The following MPHOSPH9 variants were observed in gnomAD, a reference collection of about 807,000 sequenced individuals.
MPHOSPH9 encodes M-phase phosphoprotein 9.
MPHOSPH9 carries 88 observed loss-of-function variants against 145.5 expected under a neutral mutation model. That is an observed-to-expected ratio of 0.60 (90% confidence interval 0.51 to 0.72). The LOEUF (loss-of-function observed/expected upper bound fraction) is 0.72. MPHOSPH9 is among the 30% of genes least tolerant of loss of function. The probability of loss-of-function intolerance (pLI) is 0.00; values close to 1 mark genes in which losing one functional copy is unlikely to be tolerated. For missense variants in MPHOSPH9, 1,238 were observed against 1,386.6 expected, an observed-to-expected ratio of 0.89 and a Z score of 1.70; for synonymous variants, 435 against 486.2, an observed-to-expected ratio of 0.89 and a Z score of 1.39.
At position 123,156,867 on chromosome 12, in the gene MPHOSPH9, C is replaced by T; in HGVS notation, c.3492G>A (p.Leu1164=). ...EDRLERINRE[L]GSVRMTLKKF... ...TCTTTAGCGTCATGCGAACTGAACC[C>T]AGTTCTCGATTAATCCTTTCCAAAC... The change falls in exon 24 of 24, where the codon CTG becomes CTA. Residue 1164 remains leucine (L), a synonymous_variant. Transcript: ENST00000606320. The T allele has an allele frequency of 1.2e-6, 2 of 1,611,354 alleles. No individual in the cohort carries two copies. The highest frequency in any genetic ancestry group is 1.7e-6 in the Non-Finnish European group (2 of 1,177,900).
At position 123,160,861 on chromosome 12, in the gene MPHOSPH9, C is replaced by T. The variant is rs764261509; in HGVS notation, c.3382-12G>A. 21 of 1,611,284 alleles carry T rather than the reference C, an allele frequency of 1.3e-5. No homozygotes were observed. The highest frequency in any genetic ancestry group is 6.6e-5 in the South Asian group (6 of 90,554). ...AGTGCTGCCTCAATCTGTTAACACA[C>T]GAAAAAAATATGTTTAAATTACTGG... On this transcript the variant is annotated splice_polypyrimidine_tract_variant and intron_variant, in intron 22 of 23. Transcript: ENST00000606320.
rs764703854 is a variant in MPHOSPH9, at chr12:123,162,149, C to T, written c.3099G>A (p.Lys1033=). ...VSTLQRTNPR[K]QLQFLPLDDS... ...CATCTAGAGGAAGAAACTGGAGTTG[C>T]TTTCTTGGATTGGTACGTTGTAATG... is the stretch of plus-strand genomic sequence containing the variant. Residue 1033 remains lysine, a synonymous_variant, in exon 21 of 24, where the codon AAG becomes AAA. Transcript: ENST00000606320. 2 of 1,586,028 alleles carry T rather than the reference C, an allele frequency of 1.3e-6. No individual in the cohort carries two copies. Among genetic ancestry groups the T allele is most frequent in the Non-Finnish European group, 1.7e-6 (2 of 1,164,360 alleles).
intron 6 of MPHOSPH9, among the ~76,000 whole-genome samples, chr12:123,215,793 C>T (rs913867578): frequency 2.0e-5 from 3 of 152,128 alleles, no homozygotes; most frequent in Non-Finnish European, 2.9e-5. Flanking sequence ...GAGTATGTAA[C>T]CATCCATGAA....
chr12:123,158,175 A>G (rs1222902309), intron 23 of MPHOSPH9, among the ~76,000 whole-genome samples: 4 of 152,012 alleles, frequency 2.6e-5, no homozygotes, highest in Non-Finnish European at 5.9e-5. Context: ...TTTTTAGTAG[A>G]GACAGGGTTT....
At chr12:123,188,438 G>A (rs549039410) in intron 13 of MPHOSPH9, among the ~76,000 whole-genome samples, 119 of 152,248 alleles carry the variant, frequency 7.8e-4, no homozygotes, top group African/African-American at 2.7e-3. Context: ...CCCAGTAACA[G>A]CCACAGCAAT....
At chr12:123,215,985 C>A (rs553166692) in intron 6 of MPHOSPH9, among the ~76,000 whole-genome samples, 31 of 152,194 alleles carry the variant, frequency 2.0e-4, no homozygotes, top group African/African-American at 6.3e-4. Flanking sequence ...CGCCTATAAT[C>A]CCAGCACTTT....
chr12:123,153,351 A>C (rs74573540), downstream of MPHOSPH9: 2 of 152,196 alleles, frequency 1.3e-5, no homozygotes, highest in African/African-American at 4.8e-5. Flanking sequence ...TTTAAACTCC[A>C]AAAAAGCTCA....
chr12:123,203,219 C>T (rs755317291), intron 9 of MPHOSPH9, 31 bp downstream of exon 9: 4 of 1,609,668 alleles, frequency 2.5e-6, no homozygotes, highest in African/African-American at 1.3e-5. Context: ...GCATTGTTCA[C>T]GTTCACTCGG....
Position 123,203,061 on chromosome 12 carries a change from T to TA in MPHOSPH9, c.1343dup (p.Leu448PhefsTer22). On this transcript the variant is annotated frameshift_variant, in exon 10 of 24. Transcript: ENST00000606320. LOFTEE classifies it high-confidence loss of function. ...AAATCTGCTGCTTTGGCTTCATGTGTAACGTAGGATCTAGAGTCAGGACCT... is the reference window on the plus strand; with the variant it reads ...AAATCTGCTGCTTTGGCTTCATGTGTAAACGTAGGATCTAGAGTCAGGACCT... The TA allele has an allele frequency of 6.2e-7, 1 of 1,613,684 alleles. No individual in the cohort carries two copies. Among genetic ancestry groups the TA allele is most frequent in the Non-Finnish European group, 8.5e-7 (1 of 1,179,826 alleles).
chr12:123,171,209 T>C (rs2044563789), intron 16 of MPHOSPH9, among the ~76,000 whole-genome samples: 1 of 152,146 alleles, frequency 6.6e-6, no homozygotes, highest in Non-Finnish European at 1.5e-5. Flanking sequence ...ATCCCAGCAC[T>C]TTGGGAAGCT....
At chr12:123,168,341 CTTTTT>C (rs1247136954) in intron 16 of MPHOSPH9, among the ~76,000 whole-genome samples, 1 of 135,414 alleles carries the variant, frequency 7.4e-6, no homozygotes, top group Non-Finnish European at 1.6e-5. Flanking sequence ...ACATGACTTT[CTTTTT>C]TTTTTTTTTT....
At chr12:123,179,502 G>C (rs895083059) in intron 15 of MPHOSPH9, among the ~76,000 whole-genome samples, 1 of 152,108 alleles carries the variant, frequency 6.6e-6, no homozygotes, top group Non-Finnish European at 1.5e-5. Flanking sequence ...TTGAACCCAA[G>C]AGGAGGAGGT....
chr12:123,191,578 C>G (rs1449319582), intron 13 of MPHOSPH9, among the ~76,000 whole-genome samples: 1 of 152,124 alleles, frequency 6.6e-6, no homozygotes, highest in African/African-American at 2.4e-5. Flanking sequence ...CAGGCATGAG[C>G]CATCACACTC....
Position 123,214,783 on chromosome 12 carries a change from C to G in MPHOSPH9, c.1048G>C (p.Asp350His). ...GACATCCAAGCATTTGGAGTTTCAT[C>G]TGGTTTACTGAGGTAAAAAGCACGA... is the stretch of plus-strand genomic sequence containing the variant. Reference protein sequence around the residue: ...HPRAFYLSKPDETPNAWMSDS... With the variant: ...HPRAFYLSKPHETPNAWMSDS... Residue 350 changes from aspartate to histidine, a missense_variant, in exon 7 of 24, where the codon GAT becomes CAT. Physicochemically the swap from Asp to His is moderately conservative, Grantham distance 81 (BLOSUM62 -1). Around this residue, in one of 3 missense-constraint regions of MPHOSPH9, gnomAD observed 837 missense variants for 897.5 expected, o/e 0.93. Transcript: ENST00000606320. 6.2e-7 allele frequency: 1 copy of G among 1,613,668 alleles called. No individual in the cohort carries two copies.
intron 11 of MPHOSPH9, among the ~76,000 whole-genome samples, chr12:123,200,203 T>C (rs1016549510): frequency 6.9e-6 from 1 of 145,202 alleles, no homozygotes; most frequent in Non-Finnish European, 1.5e-5. Context: ...AACCAGTGTA[T>C]ACACTGATAA....
At chr12:123,164,599 A>G (rs1368134831) in intron 18 of MPHOSPH9, among the ~76,000 whole-genome samples, 1 of 152,248 alleles carries the variant, frequency 6.6e-6, no homozygotes, top group Admixed American at 6.5e-5. Flanking sequence ...AGGAAATGTT[A>G]TATCTCACTT....
chr12:123,218,206 T>G (rs1010735476), intron 6 of MPHOSPH9, among the ~76,000 whole-genome samples, 170 bp downstream of exon 6: 1 of 152,012 alleles, frequency 6.6e-6, no homozygotes. Context: ...CACTCCAGTC[T>G]GGGCCATAAG....
chr12:123,165,229 T>G (rs980132636), intron 18 of MPHOSPH9, 73 bp downstream of exon 18: 1 of 1,378,826 alleles, frequency 7.3e-7, no homozygotes, highest in African/African-American at 1.5e-5. Context: ...CTAAATATTT[T>G]AATTTTAACG....
intron 11 of MPHOSPH9, 143 bp downstream of exon 11, chr12:123,202,021 T>G (rs2046243696): frequency 1.1e-6 from 1 of 876,452 alleles, no homozygotes; most frequent in Middle Eastern, 3.7e-4. Context: ...AAGAGGGGGG[T>G]TTAGCTTCAA....
Sources: allele counts gnomAD v4.1 joint callset (sites outside exome capture counted in the v4.1 genomes callset), GRCh38; gene constraint gnomAD v4.1.1; regional missense constraint gnomAD v4.1.1; transcripts MANE v1.5; gene names NCBI Gene and HGNC (gene_info 2026-07-23, HGNC 2026-07-21).